Variants in CTCF observed in about 807,000 individuals in gnomAD.
CTCF encodes transcriptional repressor CTCF.
CTCF carries 7 observed loss-of-function variants against 72.3 expected under a neutral mutation model. The ratio of observed to expected loss-of-function variants is 0.10; its 90% CI spans 0.06 to 0.18. CTCF has a LOEUF of 0.18. CTCF is among the 10% of genes least tolerant of loss of function. The pLI is 1.00. For synonymous variants in CTCF, 374 were observed against 315.8 expected (o/e 1.18, Z -1.95); for missense variants, 516 against 949.1 (o/e 0.54, Z 6.00).
rs376631677 is a variant in CTCF at position 67,565,302 on chromosome 16, A to G, written c.-127+2578A>G. 3.4e-5 allele frequency among the ~76,000 whole-genome samples: 5 copies of G among 147,374 alleles called. No homozygotes were observed. The South Asian group carries it at 1.2e-3, about 36-fold the overall frequency. ...CAGGCGTGAGCCATCTCGCCAGGCC[A>G]GGACCTGTTATTTAAATTAGTGATA... is the stretch of plus-strand genomic sequence containing the variant. On this transcript the variant is annotated intron_variant, in intron 1 of 11. Transcript: ENST00000264010.
intron 1 of CTCF, among the ~76,000 whole-genome samples, chr16:67,570,436 C>T (rs1457515496): frequency 6.7e-6 from 1 of 149,934 alleles, no homozygotes; most frequent in Non-Finnish European, 1.5e-5. Context: ...TGCAATATTG[C>T]AGTGGAGTGT....
intron 4 of CTCF, chr16:67,614,900 G>C (rs1275551137): frequency 1.3e-5 from 2 of 152,196 alleles, no homozygotes; most frequent in Non-Finnish European, 2.9e-5. Flanking sequence ...ACTTCGGGAG[G>C]CTGAAGCAGG....
In CTCF at chr16:67,616,658, C is replaced by T. The variant is rs1408538393; in HGVS notation, c.953-87C>T. On this transcript the variant is annotated intron_variant, in intron 4 of 11. Transcript: ENST00000264010. ...TTGATGGGATGAATAGGGTTCCAGTCTCATAGCAGTTCTGTGCCACACATT... is the reference window on the plus strand; with the variant it reads ...TTGATGGGATGAATAGGGTTCCAGTTTCATAGCAGTTCTGTGCCACACATT... 3.7e-5 allele frequency: 55 copies of T among 1,471,092 alleles called. No homozygotes were observed. The Admixed American group carries it at 9.4e-4, about 25-fold the overall frequency. The allele number at this position is 1,471,092 out of a possible 1,614,324, so 91.1% of individuals were successfully genotyped here.
chr16:67,576,156 A>C (rs992538908), intron 2 of CTCF, among the ~76,000 whole-genome samples: 31 of 151,558 alleles, frequency 2.0e-4, no homozygotes, highest in Admixed American at 1.6e-3. Context: ...AAAAAAAAAA[A>C]AAAAAACGGA....
At chr16:67,631,553 G>A (rs1370917865) in intron 10 of CTCF, among the ~76,000 whole-genome samples, 8 of 151,724 alleles carry the variant, frequency 5.3e-5, no homozygotes, top group Admixed American at 3.9e-4. Flanking sequence ...CTCCTGCCTC[G>A]ACCTCCCAAT....
rs1044648069 is a variant in CTCF at position 67,562,551 on chromosome 16, C to A, written c.-300C>A. On this transcript the variant is annotated 5_prime_UTR_variant, in exon 1 of 12. Transcript: ENST00000264010. ...GACGCAGGCGCACTGCACCGCGCCG[C>A]CGCCATTTTGTGTCTGAGCCTGTGG... is the stretch of plus-strand genomic sequence containing the variant. The A allele has an allele frequency of 1.3e-5, 2 of 151,970 alleles. No individual in the cohort carries two copies. Among genetic ancestry groups the A allele is most frequent in the Non-Finnish European group, 2.9e-5 (2 of 68,008 alleles). The allele number at this position is 151,970 out of a possible 1,614,324, so 9.4% of individuals were successfully genotyped here.
chr16:67,583,261 A>C (rs940391764), intron 2 of CTCF, among the ~76,000 whole-genome samples: 2 of 152,034 alleles, frequency 1.3e-5, no homozygotes, highest in Non-Finnish European at 2.9e-5. Flanking sequence ...TGCTAGGATT[A>C]CAGGCATGAG....
At chr16:67,637,611 G>T in intron 11 of CTCF, 77 bp from the exon 12 acceptor site, 3 of 1,240,298 alleles carry the variant, frequency 2.4e-6, no homozygotes, top group Middle Eastern at 2.2e-4. Flanking sequence ...CATCCCGTTC[G>T]CTGTCAGTCT....
intron 2 of CTCF, among the ~76,000 whole-genome samples, chr16:67,577,374 A>G (rs974590683): frequency 1.3e-5 from 2 of 150,024 alleles, no homozygotes; most frequent in South Asian, 2.1e-4. Context: ...AAAAAAAAAA[A>G]GGATAATGAA....
At chr16:67,630,121 A>G (rs2052345277) in intron 10 of CTCF, among the ~76,000 whole-genome samples, 1 of 152,008 alleles carries the variant, frequency 6.6e-6, no homozygotes, top group Non-Finnish European at 1.5e-5. Flanking sequence ...CAAAATTAAT[A>G]TTTTTATTCA....
intron 10 of CTCF, among the ~76,000 whole-genome samples, chr16:67,634,434 C>G (rs2052402992): frequency 6.6e-6 from 1 of 151,520 alleles, no homozygotes; most frequent in South Asian, 2.1e-4. Context: ...TCTCAAAGTC[C>G]TGACTTCAGG....
At chr16:67,579,044 C>A (rs984014291) in intron 2 of CTCF, among the ~76,000 whole-genome samples, 2 of 151,880 alleles carry the variant, frequency 1.3e-5, no homozygotes, top group African/African-American at 4.8e-5. Context: ...CACCTGAGGT[C>A]AGGAGTTCAA....
intron 9 of CTCF, among the ~76,000 whole-genome samples, chr16:67,629,011 C>T (rs966463422): frequency 4.5e-4 from 68 of 151,596 alleles, no homozygotes; most frequent in African/African-American, 1.4e-3. Context: ...GAGATGGCAC[C>T]ACTGCACTCC....
At chr16:67,616,901 G>GT (rs1181368033) in intron 5 of CTCF, 23 bp downstream of exon 5, 1 of 1,612,754 alleles carries the variant, frequency 6.2e-7, no homozygotes, top group East Asian at 2.2e-5. Context: ...CTTTTTGTTG[G>GT]TATCTCTCTT....
intron 10 of CTCF, 78 bp from the exon 11 acceptor site, chr16:67,636,594 TAAAACAAGACTTCAAATA>T: frequency 2.1e-6 from 1 of 479,318 alleles, no homozygotes; most frequent in African/African-American, 2.1e-5. Context: ...TATATATTTA[TAAAACAAGACTTCAAATA>T]ATATATAATT....
chr16:67,630,866 A>AT (rs1434501858), intron 10 of CTCF, among the ~76,000 whole-genome samples: 1 of 152,208 alleles, frequency 6.6e-6, no homozygotes, highest in Non-Finnish European at 1.5e-5. Flanking sequence ...TAGATTCTGT[A>AT]GTGTGGATAT....
At chr16:67,575,320 C>A (rs2051481038) in intron 2 of CTCF, among the ~76,000 whole-genome samples, 1 of 151,802 alleles carries the variant, frequency 6.6e-6, no homozygotes, top group Admixed American at 6.6e-5. Flanking sequence ...GCTTATAATC[C>A]CAGCACTTTG....
chr16:67,599,905 T>C (rs910977287), intron 2 of CTCF, among the ~76,000 whole-genome samples: 3 of 152,128 alleles, frequency 2.0e-5, no homozygotes, highest in East Asian at 3.9e-4. Context: ...ATTGCAGATA[T>C]GGATTGGAAA....
chr16:67,599,772 A>C lies in CTCF; in HGVS notation c.-9-11052A>C, dbSNP rs1207527777. Among the ~76,000 whole-genome samples, 5 of 152,124 alleles carry C rather than the reference A, an allele frequency of 3.3e-5. No homozygotes were observed. The South Asian group carries it at 6.2e-4, about 19-fold the overall frequency. ...GACGACTAAACCACCCACTTTGCCA[A>C]GCTCATTTAGTTGGTTAGTGATGGA... is the stretch of plus-strand genomic sequence containing the variant. On this transcript the variant is annotated intron_variant, in intron 2 of 11. Transcript: ENST00000264010.
Sources: allele counts gnomAD v4.1 joint callset (sites outside exome capture counted in the v4.1 genomes callset), GRCh38; gene constraint gnomAD v4.1.1; transcripts MANE v1.5; gene names NCBI Gene and HGNC (gene_info 2026-07-23, HGNC 2026-07-21).